The following FRK variants were observed in gnomAD, a reference collection of about 807,000 sequenced individuals.
FRK encodes the protein fyn related Src family tyrosine kinase, also known as tyrosine-protein kinase FRK.
Under a neutral mutation model 56.4 loss-of-function variants are expected in FRK, and 51 were observed. That is an observed-to-expected ratio of 0.90 (90% CI 0.72 to 1.14). FRK has a LOEUF of 1.14. Among genes scored for constraint, FRK ranks in the 50% most tolerant of loss-of-function variants. FRK has a pLI of 0.00. For synonymous variants in FRK, 245 were observed against 217.9 expected, an observed-to-expected ratio of 1.12 and a Z score of -1.10; for missense variants, 570 against 601.4, an observed-to-expected ratio of 0.95 and a Z score of 0.55.
At chr6:116,041,656 C>T (rs542294617) in intron 1 of FRK, among the ~76,000 whole-genome samples, 1 of 152,238 alleles carries the variant, frequency 6.6e-6, no homozygotes, top group South Asian at 2.1e-4. Context: ...CAGGGAACTC[C>T]TTACCCTAGC....
chr6:115,992,738 T>C (rs561844719), intron 2 of FRK, among the ~76,000 whole-genome samples: 4 of 151,904 alleles, frequency 2.6e-5, no homozygotes, highest in African/African-American at 9.6e-5. Flanking sequence ...TGTCATAGCA[T>C]AGCATAGTTT....
At chr6:116,039,752 G>A (rs1407864119) in intron 1 of FRK, among the ~76,000 whole-genome samples, 1 of 152,012 alleles carries the variant, frequency 6.6e-6, no homozygotes, top group Non-Finnish European at 1.5e-5. Flanking sequence ...AGAGGTGGAA[G>A]GGGCAGGATT....
chr6:115,939,900 T>G lies in FRK; in HGVS notation c.*2514A>C, dbSNP rs1342513001. 1 of 152,280 alleles carries G rather than the reference T, an allele frequency of 6.6e-6. No individual in the cohort carries two copies. Among genetic ancestry groups the G allele is most frequent in the African/African-American group, 2.4e-5 (1 of 41,564 alleles). The allele number at this position is 152,280 out of a possible 1,614,324, so 9.4% of individuals were successfully genotyped here. On this transcript the variant is annotated 3_prime_UTR_variant, in exon 8 of 8. Coordinates refer to ENST00000606080, the MANE Select transcript of FRK (RefSeq NM_002031.3). ...AATCAATATCGTGAAAATGGCCATA[T>G]TGCCCAAGGCAATTTATATATTCAG...
rs1171075326 is a variant in FRK at position 115,958,644 on chromosome 6, A to AAAAGAAAG, written c.800-2042_800-2035dup. Among the ~76,000 whole-genome samples the AAAAGAAAG allele has an allele frequency of 3.4e-3, 13 of 3,812 alleles. 1 individual carries two copies. The highest frequency in any genetic ancestry group is 8.7e-3 in the African/African-American group (12 of 1,374). 2.5% of individuals were successfully genotyped at this position (3,812 alleles called of 152,430 possible). On this transcript the variant is annotated intron_variant, in intron 4 of 7. Transcript: ENST00000606080. The stretch of plus-strand genomic sequence containing the variant: ...CTCTGTCTCAAAAAAGGAAAGAAAG[A>AAAAGAAAG]AAAGAAAGAAAGAAAGAAAGAAAGA...
intron 2 of FRK, among the ~76,000 whole-genome samples, chr6:115,994,192 TG>T (rs1377576079): frequency 6.6e-6 from 1 of 151,918 alleles, no homozygotes; most frequent in African/African-American, 2.4e-5. Context: ...TAATGTAACA[TG>T]GGGTACTTTC....
In FRK at chr6:115,941,738, A is replaced by G. The variant is rs1465776442; in HGVS notation, c.*676T>C. 6.6e-6 allele frequency: 1 copy of G among 152,394 alleles called. No individual in the cohort carries two copies. Among genetic ancestry groups the G allele is most frequent in the African/African-American group, 2.4e-5 (1 of 41,438 alleles). 9.4% of individuals were successfully genotyped at this position (152,394 alleles called of 1,614,324 possible). A position where few individuals can be genotyped will look rare whatever the true frequency, so the allele number is the denominator to read the frequency against. On this transcript the variant is annotated 3_prime_UTR_variant, in exon 8 of 8. Coordinates refer to ENST00000606080, the MANE Select transcript of FRK (RefSeq NM_002031.3). The stretch of plus-strand genomic sequence containing the variant: ...AATATTAAGAGATTAAAACTAATGT[A>G]TATGACTCTCAGTTGACACATACTG...
At chr6:115,987,782 G>T (rs879712135) in intron 2 of FRK, among the ~76,000 whole-genome samples, 1 of 152,008 alleles carries the variant, frequency 6.6e-6, no homozygotes, top group Non-Finnish European at 1.5e-5. Flanking sequence ...GAATGGATGG[G>T]TTTGTAAATG....
In FRK at chr6:116,005,725, G is replaced by C. The variant is rs139525021; in HGVS notation, c.345-1727C>G. Among the ~76,000 whole-genome samples, 844 of 152,196 alleles carry C rather than the reference G, an allele frequency of 5.5e-3. 4 individuals are homozygous for C. The highest frequency in any genetic ancestry group is 7.1e-3 in the Non-Finnish European group (480 of 68,000). The stretch of plus-strand genomic sequence containing the variant: ...CAGAAAAACAGAAATGCATGTTTTT[G>C]ATTATTGCAGAAACAAGTCAATAGA... On this transcript the variant is annotated intron_variant, in intron 1 of 7. Transcript: ENST00000606080.
chr6:116,003,028 TG>T (rs1775123192), intron 2 of FRK, among the ~76,000 whole-genome samples: 1 of 152,106 alleles, frequency 6.6e-6, no homozygotes, highest in Non-Finnish European at 1.5e-5. Context: ...ATGAGGCAAA[TG>T]GGCATCATGT....
At chr6:116,002,070 A>T (rs977015561) in intron 2 of FRK, among the ~76,000 whole-genome samples, 1 of 152,230 alleles carries the variant, frequency 6.6e-6, no homozygotes, top group African/African-American at 2.4e-5. Context: ...TTCGATATTT[A>T]AAATGCATCT....
Position 115,945,982 on chromosome 6 carries a change from C to CA in FRK, c.959-1558dup, listed in dbSNP as rs371783916. On this transcript the variant is annotated intron_variant, in intron 5 of 7. Transcript: ENST00000606080. ...GACTTACCTATTTTATATTTGTACA[C>CA]AAAATAATACTGACTCCTTCTACTT... 3.8e-3 allele frequency among the ~76,000 whole-genome samples: 572 copies of CA among 152,184 alleles called. 5 individuals are homozygous for CA. Among genetic ancestry groups the CA allele is most frequent in the Non-Finnish European group, 6.1e-3 (415 of 67,982 alleles).
At chr6:116,026,542 A>AGAAGGAAG (rs10584062) in intron 1 of FRK, among the ~76,000 whole-genome samples, 446 of 138,370 alleles carry the variant, frequency 3.2e-3, no homozygotes, top group African/African-American at 4.4e-3. Flanking sequence ...AAGGGAGGAA[A>AGAAGGAAG]GAAGGAAGGA....
Position 115,952,034 on chromosome 6 carries a change from GT to G in FRK, c.958+4417del, listed in dbSNP as rs369558816. ...CGCCCACTTTTTGGTGGGGTTGTTT[GT>G]TTTTTTCTTGTAAATTTGTTTGAGT... On this transcript the variant is annotated intron_variant, in intron 5 of 7. Transcript: ENST00000606080. Among the ~76,000 whole-genome samples the G allele has an allele frequency of 3.0e-3, 461 of 152,020 alleles. 12 individuals carry two copies. In the South Asian group the frequency reaches 0.036, roughly 12 times the overall value.
chr6:115,973,935 A>G (rs1582667462), intron 2 of FRK, among the ~76,000 whole-genome samples: 2 of 151,874 alleles, frequency 1.3e-5, no homozygotes, highest in Admixed American at 6.6e-5. Flanking sequence ...GTTAGTCCCA[A>G]TTCATTTCTC....
intron 1 of FRK, among the ~76,000 whole-genome samples, chr6:116,009,445 T>C (rs1714565685): frequency 1.3e-5 from 2 of 152,310 alleles, no homozygotes; most frequent in South Asian, 4.1e-4. Context: ...TGTATAAAAA[T>C]AGTAAACCAA....
upstream of FRK, among the ~76,000 whole-genome samples, chr6:116,060,941 T>C (rs933137283): frequency 3.3e-5 from 5 of 152,332 alleles, no homozygotes; most frequent in South Asian, 8.3e-4. Flanking sequence ...ATCTAAATGG[T>C]ATTCTGACCT....
the FRK span, among the ~76,000 whole-genome samples, chr6:116,069,965 T>C: frequency 2.0e-5 from 3 of 152,218 alleles, no homozygotes; most frequent in East Asian, 3.9e-4. Flanking sequence ...ATTTAGTGAC[T>C]CAATTTATAG....
the FRK span, among the ~76,000 whole-genome samples, chr6:116,081,164 C>A: frequency 6.6e-6 from 1 of 152,206 alleles, no homozygotes; most frequent in Non-Finnish European, 1.5e-5. Context: ...AATTACCTTC[C>A]ACTGGGTGCC....
intron 1 of FRK, among the ~76,000 whole-genome samples, chr6:116,019,342 TA>T (rs938897296): frequency 1.3e-5 from 2 of 152,130 alleles, no homozygotes; most frequent in Non-Finnish European, 1.5e-5. Context: ...ACTTGAAAGT[TA>T]AAAAGCTGAC....
Sources: gnomAD v4.1 joint callset for allele counts (sites outside exome capture counted in the v4.1 genomes callset) on GRCh38, gnomAD v4.1.1 for gene constraint, MANE v1.5 for transcripts, NCBI Gene and HGNC (gene_info 2026-07-23, HGNC 2026-07-21) for gene names.